Variants in MGAT4C observed in about 807,000 individuals in gnomAD.
The protein encoded by MGAT4C is MGAT4 family member C.
MGAT4C carries 19 observed loss-of-function variants against 40.1 expected under a neutral mutation model. The ratio of observed to expected loss-of-function variants is 0.47; its 90% confidence interval spans 0.33 to 0.70. MGAT4C has a LOEUF of 0.70. Among genes scored for constraint, MGAT4C ranks in the 30% least tolerant of loss-of-function variants. The pLI is 0.02. For synonymous variants in MGAT4C, 181 were observed against 187.1 expected, an observed-to-expected ratio of 0.97 and a Z score of 0.27; for missense variants, 491 against 563.2, an observed-to-expected ratio of 0.87 and a Z score of 1.30.
intron 1 of MGAT4C, among the ~76,000 whole-genome samples, chr12:86,129,342 A>G (rs1880820842): frequency 6.6e-6 from 1 of 152,192 alleles, no homozygotes; most frequent in South Asian, 2.1e-4. Flanking sequence ...AACATGTTTT[A>G]CAACTTGAGA....
intron 3 of MGAT4C, among the ~76,000 whole-genome samples, chr12:86,374,591 C>T (rs1169868566): frequency 3.3e-5 from 5 of 152,062 alleles, no homozygotes; most frequent in Admixed American, 2.6e-4. Context: ...AAGATGTTTA[C>T]AATTTATTCC....
chr12:86,046,616 C>G, intron 2 of MGAT4C, among the ~76,000 whole-genome samples: 1 of 152,170 alleles, frequency 6.6e-6, no homozygotes, highest in Non-Finnish European at 1.5e-5. Flanking sequence ...ATGGGGCAAA[C>G]TGTTGTAAGC....
intron 1 of MGAT4C, among the ~76,000 whole-genome samples, chr12:86,209,005 A>G (rs146695940): frequency 3.0e-4 from 45 of 152,280 alleles, no homozygotes; most frequent in African/African-American, 1.1e-3. Context: ...TGATCTAAAT[A>G]TCGCATTCAA....
intron 1 of MGAT4C, among the ~76,000 whole-genome samples, chr12:86,752,920 C>T (rs1325952494): frequency 6.6e-6 from 1 of 151,998 alleles, no homozygotes; most frequent in Non-Finnish European, 1.5e-5. Flanking sequence ...GATCATAGAC[C>T]TAAATGTCAA....
intron 1 of MGAT4C, among the ~76,000 whole-genome samples, chr12:86,251,355 C>A (rs1429976150): frequency 6.6e-6 from 1 of 151,900 alleles, no homozygotes; most frequent in Non-Finnish European, 1.5e-5. Flanking sequence ...CTTATGTTTC[C>A]TATTTCCCAT....
chr12:86,289,349 G>A (rs550010851), intron 4 of MGAT4C, among the ~76,000 whole-genome samples: 1 of 152,028 alleles, frequency 6.6e-6, no homozygotes, highest in South Asian at 2.1e-4. Flanking sequence ...TGGATGCCTC[G>A]GGCTGTGTTC....
At chr12:86,374,087 CCTAT>C (rs1037352438) in intron 3 of MGAT4C, among the ~76,000 whole-genome samples, 1 of 151,870 alleles carries the variant, frequency 6.6e-6, no homozygotes, top group Non-Finnish European at 1.5e-5. Context: ...GGTTATTTAG[CCTAT>C]CTAATGGCTT....
intron 4 of MGAT4C, among the ~76,000 whole-genome samples, chr12:86,289,220 C>T (rs2406120): frequency 0.89 from 135,360 of 152,196 alleles, 60,392 homozygotes; most frequent in East Asian, 1. Context: ...TGATTGTAGG[C>T]GCATGGCATT....
chr12:86,090,575 T>A (rs1392122850), intron 1 of MGAT4C, among the ~76,000 whole-genome samples: 3 of 151,866 alleles, frequency 2.0e-5, no homozygotes, highest in Non-Finnish European at 4.4e-5. Flanking sequence ...TTTTTCTAGA[T>A]TCTAATACCG....
chr12:86,821,815 T>C (rs1854755745), intron 1 of MGAT4C, among the ~76,000 whole-genome samples: 1 of 150,922 alleles, frequency 6.6e-6, no homozygotes. Flanking sequence ...CTGACAAAGG[T>C]TTAAAATTAC....
At chr12:86,752,891 C>T (rs1270535226) in intron 1 of MGAT4C, among the ~76,000 whole-genome samples, 1 of 152,014 alleles carries the variant, frequency 6.6e-6, no homozygotes, top group Non-Finnish European at 1.5e-5. Context: ...TCACCATACA[C>T]AAAAATTTAT....
intron 1 of MGAT4C, among the ~76,000 whole-genome samples, chr12:86,833,911 T>G (rs977450380): frequency 6.6e-6 from 1 of 151,784 alleles, no homozygotes; most frequent in East Asian, 1.9e-4. Flanking sequence ...ATCACTCAAT[T>G]TAGAGATTTG....
intron 2 of MGAT4C, among the ~76,000 whole-genome samples, chr12:86,606,563 T>A (rs1200283591): frequency 6.6e-6 from 1 of 152,152 alleles, no homozygotes; most frequent in Non-Finnish European, 1.5e-5. Flanking sequence ...GAGCAGAGAA[T>A]AAGCAGCTTG....
At chr12:86,462,488 T>C (rs1957616398) in intron 2 of MGAT4C, among the ~76,000 whole-genome samples, 1 of 152,184 alleles carries the variant, frequency 6.6e-6, no homozygotes. Context: ...CATGGTTCTC[T>C]AGAAGGACAG....
intron 2 of MGAT4C, among the ~76,000 whole-genome samples, chr12:86,010,859 A>T (rs1311784666): frequency 6.6e-6 from 1 of 152,096 alleles, no homozygotes; most frequent in East Asian, 1.9e-4. Context: ...GGGTTATCAC[A>T]GGAGGGGTTA....
At position 86,253,173 on chromosome 12, in the gene MGAT4C, T is replaced by G. The variant is rs58590389; in HGVS notation, c.-57+3066A>C. On this transcript the variant is annotated intron_variant, in intron 1 of 4. Transcript: ENST00000611864. Reference sequence around the variant, plus strand: ...AAATACATTCTACTTTTATAGTAAATTAAAGATGAGAGCTTTTCAGGTAGA... The same window carrying G: ...AAATACATTCTACTTTTATAGTAAAGTAAAGATGAGAGCTTTTCAGGTAGA... Among the ~76,000 whole-genome samples, 453 of 152,036 alleles carry G rather than the reference T, an allele frequency of 3.0e-3. 2 individuals carry two copies. The highest frequency in any genetic ancestry group is 0.01 in the African/African-American group (432 of 41,538).
chr12:86,699,943 G>C (rs971237687), intron 2 of MGAT4C, among the ~76,000 whole-genome samples: 3 of 151,816 alleles, frequency 2.0e-5, no homozygotes, highest in Non-Finnish European at 4.4e-5. Flanking sequence ...AGAGAGGTAG[G>C]AGCACTTGAT....
chr12:86,633,752 A>C (rs549622700), intron 2 of MGAT4C, among the ~76,000 whole-genome samples: 1 of 152,242 alleles, frequency 6.6e-6, no homozygotes, highest in Non-Finnish European at 1.5e-5. Flanking sequence ...TGTAAAACCT[A>C]ATGGGTAAAC....
intron 4 of MGAT4C, among the ~76,000 whole-genome samples, chr12:86,316,151 C>A (rs1390455176): frequency 1.0e-5 from 1 of 100,058 alleles, no homozygotes; most frequent in African/African-American, 3.8e-5. Flanking sequence ...AAATGCAAAA[C>A]AATACCACAA....
Sources: allele counts gnomAD v4.1 joint callset (sites outside exome capture counted in the v4.1 genomes callset), GRCh38; gene constraint gnomAD v4.1.1; transcripts MANE v1.5; gene names NCBI Gene and HGNC (gene_info 2026-07-23, HGNC 2026-07-21).